Variants in RAPGEF6 observed in about 807,000 individuals in gnomAD.
RAPGEF6 encodes the protein PDZ domain containing guanine nucleotide exchange factor (GEF) 2.
Under a neutral mutation model 171.4 loss-of-function variants are expected in RAPGEF6, and 56 were observed. The observed-to-expected ratio is 0.33, with a 90% CI of 0.26 to 0.41. RAPGEF6 has a LOEUF of 0.41. RAPGEF6 is among the 10% of genes least tolerant of loss of function. RAPGEF6 has a pLI of 1.00. For missense variants in RAPGEF6, 1,674 were observed against 1,921.4 expected (o/e 0.87, Z 2.41); for synonymous variants, 692 against 650.1 (o/e 1.06, Z -0.98).
chr5:131,567,186 T>C (rs968962015), intron 4 of RAPGEF6, among the ~76,000 whole-genome samples: 3 of 152,064 alleles, frequency 2.0e-5, no homozygotes, highest in African/African-American at 7.2e-5. Flanking sequence ...AATTTGTATC[T>C]TTTTTTTCAT....
chr5:131,539,399 T>C (rs1366671167), intron 6 of RAPGEF6, among the ~76,000 whole-genome samples: 2 of 152,214 alleles, frequency 1.3e-5, no homozygotes, highest in Non-Finnish European at 2.9e-5. Context: ...GATCCAACAA[T>C]AGTGCTTACA....
intron 4 of RAPGEF6, among the ~76,000 whole-genome samples, chr5:131,585,090 T>G (rs1763166892): frequency 6.6e-6 from 1 of 151,944 alleles, no homozygotes; most frequent in Non-Finnish European, 1.5e-5. Flanking sequence ...AACATGAAAA[T>G]TAAAACTGGC....
chr5:131,581,488 C>A (rs1762956915), intron 4 of RAPGEF6, among the ~76,000 whole-genome samples: 1 of 152,090 alleles, frequency 6.6e-6, no homozygotes, highest in Admixed American at 6.5e-5. Context: ...CTCTACACAA[C>A]AAATGCTGCT....
chr5:131,554,276 C>T (rs572613726), intron 5 of RAPGEF6, among the ~76,000 whole-genome samples: 1 of 152,204 alleles, frequency 6.6e-6, no homozygotes, highest in East Asian at 1.9e-4. Flanking sequence ...AGAGACTTAA[C>T]AGAAGATCTT....
intron 12 of RAPGEF6, among the ~76,000 whole-genome samples, chr5:131,496,025 A>G (rs1213689378): frequency 2.6e-5 from 4 of 152,202 alleles, no homozygotes; most frequent in South Asian, 2.1e-4. Flanking sequence ...GGTCAAGAAC[A>G]TGTTTAACCA....
rs752743244 is a variant in RAPGEF6, at chr5:131,492,563, T to C, written c.1731+19A>G. The C allele has an allele frequency of 6.8e-6, 11 of 1,609,974 alleles. No individual in the cohort carries two copies. Among genetic ancestry groups the C allele is most frequent in the Non-Finnish European group, 8.5e-6 (10 of 1,176,306 alleles). On this transcript the variant is annotated intron_variant, in intron 14 of 27. Transcript: ENST00000509018. ...ACTTTTAAGAAGGCTTGAATATAAG[T>C]GGTTGGTTATTTCCTTACCTGATCA...
Position 131,461,767 on chromosome 5 carries a change from A to G in RAPGEF6, c.2802T>C (p.Phe934=). 6.2e-7 allele frequency: 1 copy of G among 1,611,022 alleles called. No individual in the cohort carries two copies. The highest frequency in any genetic ancestry group is 8.5e-7 in the Non-Finnish European group (1 of 1,177,454). The part of the protein sequence containing the change: ...QLKRMKIIKH[F]IKIALHCREC... ...CTCGACAATGAAGTGCAATTTTAATAAAATGCTTAATAATCTTCATTCGTT... is the reference window on the plus strand; with the variant it reads ...CTCGACAATGAAGTGCAATTTTAATGAAATGCTTAATAATCTTCATTCGTT... The change falls in exon 19 of 28, where the codon TTT becomes TTC. Residue 934 remains phenylalanine (F), a synonymous_variant. Transcript: ENST00000509018.
At chr5:131,498,829 CA>C (rs1756819174) in intron 11 of RAPGEF6, among the ~76,000 whole-genome samples, 1 of 152,104 alleles carries the variant, frequency 6.6e-6, no homozygotes, top group South Asian at 2.1e-4. Flanking sequence ...AATAAATAGC[CA>C]ACAGCACTCA....
rs752429008 is a variant in RAPGEF6 at position 131,464,151 on chromosome 5, G to A, written c.2370C>T (p.Ser790=). The change falls in exon 18 of 28, where the codon TCC becomes TCT. Residue 790 remains serine, a synonymous_variant. Transcript: ENST00000509018. ...AAACTTCACAGAGAGAATATGTGTC[G>A]GATGCACCGGTCAAACCAAATTCAT... ...AVHEFGLTGA[S]DTYSLCEVSV... The A allele has an allele frequency of 5.0e-5, 81 of 1,613,778 alleles. No homozygotes were observed. Among genetic ancestry groups the A allele is most frequent in the Middle Eastern group, 1.6e-4 (1 of 6,080 alleles).
chr5:131,540,302 T>C (rs1760048162), intron 6 of RAPGEF6, among the ~76,000 whole-genome samples: 1 of 152,158 alleles, frequency 6.6e-6, no homozygotes, highest in South Asian at 2.1e-4. Flanking sequence ...GTGCAGAAGC[T>C]CATGTCTATG....
At chr5:131,488,421 G>C (rs1225232259) in intron 15 of RAPGEF6, among the ~76,000 whole-genome samples, 6 of 152,248 alleles carry the variant, frequency 3.9e-5, no homozygotes, top group African/African-American at 1.4e-4. Flanking sequence ...CAAAGTAAGA[G>C]AGCAAGTCCT....
intron 6 of RAPGEF6, chr5:131,533,169 TACACACACACACACACACACACAC>T (rs3992020): frequency 7.3e-6 from 1 of 136,860 alleles, no homozygotes; most frequent in Non-Finnish European, 1.6e-5. Context: ...ATTGAAAACA[TACACACACACACACACACACACAC>T]ACACACACAC....
At chr5:131,484,847 A>T (rs1448191431) in intron 15 of RAPGEF6, among the ~76,000 whole-genome samples, 2 of 152,198 alleles carry the variant, frequency 1.3e-5, no homozygotes, top group Non-Finnish European at 2.9e-5. Context: ...TCCATTGTAT[A>T]TCTATTTTTA....
intron 1 of RAPGEF6, among the ~76,000 whole-genome samples, chr5:131,624,335 C>T (rs1765774975): frequency 6.6e-6 from 1 of 152,108 alleles, no homozygotes; most frequent in African/African-American, 2.4e-5. Flanking sequence ...TGTTCCCATC[C>T]TATGCAATGC....
At chr5:131,450,085 A>G in intron 21 of RAPGEF6, 1 of 1,524,972 alleles carries the variant, frequency 6.6e-7, no homozygotes, top group Non-Finnish European at 8.8e-7. Context: ...CATGTGTTTG[A>G]ATAGGAAAGC....
chr5:131,559,470 C>T (rs1419974682), intron 5 of RAPGEF6, among the ~76,000 whole-genome samples: 4 of 152,066 alleles, frequency 2.6e-5, no homozygotes, highest in African/African-American at 9.7e-5. Context: ...AACCTTGATA[C>T]AATTAACCTT....
chr5:131,584,034 G>A (rs528660385), intron 4 of RAPGEF6, among the ~76,000 whole-genome samples: 217 of 152,160 alleles, frequency 1.4e-3, no homozygotes, highest in Non-Finnish European at 2.8e-3. Flanking sequence ...AAGGAAGGGA[G>A]CAGGGAACTA....
intron 3 of RAPGEF6, among the ~76,000 whole-genome samples, chr5:131,597,439 CAG>C (rs1332261109): frequency 6.6e-6 from 1 of 151,928 alleles, no homozygotes; most frequent in African/African-American, 2.4e-5. Flanking sequence ...AGCCAAAATA[CAG>C]ACTCAACCCA....
At chr5:131,465,598 T>C (rs765789884) in intron 17 of RAPGEF6, among the ~76,000 whole-genome samples, 6 of 151,974 alleles carry the variant, frequency 3.9e-5, no homozygotes, top group East Asian at 1.9e-4. Context: ...CCTGGATATA[T>C]AGCAAGACCC....
Sources: allele counts gnomAD v4.1 joint callset (sites outside exome capture counted in the v4.1 genomes callset), GRCh38; gene constraint gnomAD v4.1.1; transcripts MANE v1.5; gene names NCBI Gene and HGNC (gene_info 2026-07-23, HGNC 2026-07-21).